Variants in TRAPPC13 observed in about 807,000 individuals in gnomAD.
TRAPPC13 encodes the protein REV7-interacting novel NHEJ regulator 1.
In TRAPPC13, 39 loss-of-function variants were observed where a neutral mutation model predicts 54.0. The ratio of observed to expected loss-of-function variants is 0.72; its 90% confidence interval spans 0.56 to 0.94. TRAPPC13 has a LOEUF of 0.94. Ranked by LOEUF, TRAPPC13 falls within the 40% of genes least tolerant of loss-of-function variation. TRAPPC13 has a pLI of 0.00. For synonymous variants in TRAPPC13, 148 were observed against 167.7 expected (o/e 0.88, Z 0.91); for missense variants, 386 against 488.1 (o/e 0.79, Z 1.97).
chr5:65,662,305 TAGC>T, intron 11 of TRAPPC13, 155 bp downstream of exon 11: 1 of 519,682 alleles, frequency 1.9e-6, no homozygotes, highest in South Asian at 2.9e-5. Context: ...CTTCATCTGG[TAGC>T]AGTATAATTA....
At chr5:65,654,783 A>G (rs1472344507) in intron 7 of TRAPPC13, among the ~76,000 whole-genome samples, 4 of 152,236 alleles carry the variant, frequency 2.6e-5, no homozygotes, top group African/African-American at 9.6e-5. Context: ...TCTAAGATAG[A>G]AAAGCCTTGC....
In TRAPPC13 at chr5:65,665,258, A is replaced by G. The variant is rs1314560817; in HGVS notation, c.*647A>G. 1 of 152,166 alleles carries G rather than the reference A, an allele frequency of 6.6e-6. No homozygotes were observed. The allele number at this position is 152,166 out of a possible 1,614,324, so 9.4% of individuals were successfully genotyped here. On this transcript the variant is annotated 3_prime_UTR_variant, in exon 13 of 13. Transcript: ENST00000399438. ...TAGTTGGCTGACCTCAATCTAGAAG[A>G]TAGAGTTGTTTCTTAGAACTTTGTA...
At chr5:65,634,331 A>G (rs1317260048) in intron 1 of TRAPPC13, among the ~76,000 whole-genome samples, 1 of 152,048 alleles carries the variant, frequency 6.6e-6, no homozygotes, top group Non-Finnish European at 1.5e-5. Flanking sequence ...TTTTTTTTGA[A>G]AAACTAATAT....
At chr5:65,664,079 C>T (rs1396272564) in intron 11 of TRAPPC13, 158 bp from the exon 12 acceptor site, 1 of 746,218 alleles carries the variant, frequency 1.3e-6, no homozygotes, top group East Asian at 2.6e-5. Flanking sequence ...CTGGTTCTAT[C>T]TTAAGTGACA....
At chr5:65,643,676 G>C (rs1016102442) in intron 4 of TRAPPC13, among the ~76,000 whole-genome samples, 3 of 151,914 alleles carry the variant, frequency 2.0e-5, no homozygotes, top group African/African-American at 4.8e-5. Context: ...AATTAGCCGG[G>C]TGTGATGGCG....
chr5:65,658,639 A>G (rs1320379296), intron 9 of TRAPPC13, 138 bp downstream of exon 9: 2 of 625,548 alleles, frequency 3.2e-6, no homozygotes, highest in African/African-American at 1.9e-5. Flanking sequence ...TTCATCAGAA[A>G]GTAGAGTTTC....
At chr5:65,630,406 T>C in intron 1 of TRAPPC13, 2 of 1,404,594 alleles carry the variant, frequency 1.4e-6, no homozygotes, top group Non-Finnish European at 1.8e-6. Flanking sequence ...ATAGATAAAA[T>C]AATTTTTACA....
chr5:65,643,129 T>G (rs1249979032), intron 4 of TRAPPC13, among the ~76,000 whole-genome samples: 1 of 152,016 alleles, frequency 6.6e-6, no homozygotes, highest in Admixed American at 6.5e-5. Flanking sequence ...ACCCAAGGGT[T>G]GTTTAATGGA....
At chr5:65,644,814 G>C (rs1756118948) in intron 4 of TRAPPC13, among the ~76,000 whole-genome samples, 1 of 150,826 alleles carries the variant, frequency 6.6e-6, no homozygotes, top group Non-Finnish European at 1.5e-5. Flanking sequence ...CTGGGAGGTA[G>C]AGGTTGCAGT....
intron 7 of TRAPPC13, 108 bp downstream of exon 7, chr5:65,652,653 G>A (rs1208905117): frequency 3.6e-6 from 3 of 823,686 alleles, no homozygotes; most frequent in East Asian, 2.5e-5. Context: ...CAACGTGACT[G>A]TAAATTATTT....
At chr5:65,664,156 T>G in intron 11 of TRAPPC13, 81 bp from the exon 12 acceptor site, 1 of 1,412,096 alleles carries the variant, frequency 7.1e-7, no homozygotes, top group East Asian at 2.4e-5. Context: ...AAAACAAGTT[T>G]ACTGTCACTA....
intron 9 of TRAPPC13, 53 bp from the exon 10 acceptor site, chr5:65,660,646 T>C: frequency 6.9e-7 from 1 of 1,440,188 alleles, no homozygotes; most frequent in Non-Finnish European, 9.3e-7. Context: ...CCATGGTTTT[T>C]CTTTTAAAAG....
At chr5:65,652,411 T>G (rs1756498730) in intron 6 of TRAPPC13, 90 bp from the exon 7 acceptor site, 2 of 792,866 alleles carry the variant, frequency 2.5e-6, no homozygotes, top group African/African-American at 4.1e-5. Context: ...AATTGGAAAA[T>G]GACTGACAAA....
At chr5:65,641,720 A>C (rs944778246) in intron 4 of TRAPPC13, among the ~76,000 whole-genome samples, 13 of 151,600 alleles carry the variant, frequency 8.6e-5, no homozygotes, top group South Asian at 2.1e-4. Context: ...GAGAAAAAAA[A>C]AAAAACAAAA....
At chr5:65,643,850 A>AG (rs397745925) in intron 4 of TRAPPC13, among the ~76,000 whole-genome samples, 10 of 150,588 alleles carry the variant, frequency 6.6e-5, no homozygotes, top group African/African-American at 2.4e-4. Context: ...AAAAAAAAAA[A>AG]GACTATGCTG....
In TRAPPC13 at chr5:65,645,153, A is replaced by T. The variant is rs147709016; in HGVS notation, c.301-1902A>T. On this transcript the variant is annotated intron_variant, in intron 4 of 12. Coordinates refer to ENST00000399438, the MANE Select transcript of TRAPPC13 (RefSeq NM_024941.4). ...GCAGAGGTTGCAGTCAGCCGAGATC[A>T]TGCCATTGCACGCCAGCCTGGGCAA... is the stretch of plus-strand genomic sequence containing the variant. Among the ~76,000 whole-genome samples the T allele has an allele frequency of 6.9e-3, 977 of 141,238 alleles. 9 individuals are homozygous for T. Among genetic ancestry groups the T allele is most frequent in the African/African-American group, 0.024 (915 of 38,312 alleles). 92.7% of individuals were successfully genotyped at this position (141,238 alleles called of 152,430 possible).
rs1370284163 is a variant in TRAPPC13, at chr5:65,664,979, C to G, written c.*368C>G. On this transcript the variant is annotated 3_prime_UTR_variant, in exon 13 of 13. Transcript: ENST00000399438. Reference sequence around the variant, plus strand: ...TACTAAATATTTTAGGCTTTGCAGGCCGTAAGGTTTCTGTCACAAATACTG... The same window carrying G: ...TACTAAATATTTTAGGCTTTGCAGGGCGTAAGGTTTCTGTCACAAATACTG... The G allele has an allele frequency of 4.8e-6, 1 of 208,164 alleles. No individual in the cohort carries two copies. Among genetic ancestry groups the G allele is most frequent in the African/African-American group, 2.4e-5 (1 of 41,762 alleles). The allele number at this position is 208,164 out of a possible 1,614,324, so 12.9% of individuals were successfully genotyped here.
At position 65,660,627 on chromosome 5, in the gene TRAPPC13, C is replaced by A. The variant is rs1581234492; in HGVS notation, c.699-72C>A. On this transcript the variant is annotated intron_variant, in intron 9 of 12. Coordinates refer to ENST00000399438, the MANE Select transcript of TRAPPC13 (RefSeq NM_024941.4). Reference sequence around the variant, plus strand: ...ATCATCCAGTTCCTATCCAAAGGAACAATCACAGCCATGGTTTTTCTTTTA... The same window carrying A: ...ATCATCCAGTTCCTATCCAAAGGAAAAATCACAGCCATGGTTTTTCTTTTA... 30 of 1,282,116 alleles carry A rather than the reference C, an allele frequency of 2.3e-5. No homozygotes were observed. The East Asian group carries it at 7.4e-4, about 32-fold the overall frequency. 79.4% of individuals were successfully genotyped at this position (1,282,116 alleles called of 1,614,324 possible).
At chr5:65,654,594 A>T (rs1465884009) in intron 7 of TRAPPC13, among the ~76,000 whole-genome samples, 3 of 152,208 alleles carry the variant, frequency 2.0e-5, no homozygotes, top group African/African-American at 7.2e-5. Flanking sequence ...TGTAGGAGTT[A>T]ATAAACCACA....
Sources: gnomAD v4.1 joint callset for allele counts (sites outside exome capture counted in the v4.1 genomes callset) on GRCh38, gnomAD v4.1.1 for gene constraint, MANE v1.5 for transcripts, NCBI Gene and HGNC (gene_info 2026-07-23, HGNC 2026-07-21) for gene names.